Variants in GAS2L3 observed in about 807,000 individuals in gnomAD.
GAS2L3 encodes GAS2-like protein 3.
Under a neutral mutation model 37.0 loss-of-function variants are expected in GAS2L3, and 28 were observed. That is an observed-to-expected ratio of 0.76 (90% confidence interval 0.56 to 1.04). GAS2L3 has a LOEUF of 1.04. GAS2L3 is among the 50% of genes least tolerant of loss of function. The pLI is 0.00. For synonymous variants in GAS2L3, 290 were observed against 296.6 expected (o/e 0.98, Z 0.23); for missense variants, 793 against 817.6 (o/e 0.97, Z 0.37).
chr12:100,576,966 A>C (rs1955645507), intron 1 of GAS2L3, among the ~76,000 whole-genome samples: 1 of 152,202 alleles, frequency 6.6e-6, no homozygotes, highest in African/African-American at 2.4e-5. Context: ...CTGTCATACA[A>C]CATAAACGTT....
chr12:100,588,991 A>G (rs1955813975), intron 1 of GAS2L3, among the ~76,000 whole-genome samples: 1 of 152,158 alleles, frequency 6.6e-6, no homozygotes, highest in South Asian at 2.1e-4. Context: ...AACATGTTTT[A>G]CAATCAATTT....
At position 100,624,257 on chromosome 12, in the gene GAS2L3, T is replaced by C; in HGVS notation, c.1452T>C (p.Asn484=). 1 of 1,614,110 alleles carries C rather than the reference T, an allele frequency of 6.2e-7. No individual in the cohort carries two copies. The highest frequency in any genetic ancestry group is 1.1e-5 in the South Asian group (1 of 91,080). ...LKHNHISSRD[N]AVSHLAAHSN... ...ATAATCATATTTCTTCCAGAGATAATGCAGTATCTCACTTAGCTGCACATT... is the reference window on the plus strand; with the variant it reads ...ATAATCATATTTCTTCCAGAGATAACGCAGTATCTCACTTAGCTGCACATT... Residue 484 remains asparagine, a synonymous_variant, in exon 10 of 10, where the codon AAT becomes AAC. Coordinates refer to ENST00000547754, the MANE Select transcript of GAS2L3 (RefSeq NM_174942.3).
In GAS2L3 at chr12:100,623,416, AAAC is replaced by A. The variant is rs377633258; in HGVS notation, c.757-143_757-141del. On this transcript the variant is annotated intron_variant, in intron 9 of 9. Transcript: ENST00000547754. ...AAATTTATTATATTAATAATACAAG[AAAC>A]AAACTGTCAATTTGTAGTGAGGCTG... is the stretch of plus-strand genomic sequence containing the variant. 795 of 578,114 alleles carry A rather than the reference AAAC, an allele frequency of 1.4e-3. 2 individuals are homozygous for A. The highest frequency in any genetic ancestry group is 0.013 in the African/African-American group (691 of 53,212). The allele number at this position is 578,114 out of a possible 1,614,324, so 35.8% of individuals were successfully genotyped here.
At chr12:100,581,466 G>T (rs1317172048) in intron 1 of GAS2L3, among the ~76,000 whole-genome samples, 1 of 152,186 alleles carries the variant, frequency 6.6e-6, no homozygotes, top group Non-Finnish European at 1.5e-5. Flanking sequence ...GGGTGCACTA[G>T]ATAGATTCCG....
chr12:100,584,454 A>G (rs191523898), intron 1 of GAS2L3, among the ~76,000 whole-genome samples: 1 of 152,176 alleles, frequency 6.6e-6, no homozygotes, highest in Admixed American at 6.5e-5. Flanking sequence ...CCCTCAGATG[A>G]TGTCATTCTT....
intron 2 of GAS2L3, among the ~76,000 whole-genome samples, chr12:100,593,046 C>T (rs1015804989): frequency 5.3e-5 from 8 of 151,936 alleles, no homozygotes; most frequent in African/African-American, 1.7e-4. Flanking sequence ...GTGATAGTAT[C>T]GAGGACTGGG....
chr12:100,617,630 A>T, intron 6 of GAS2L3, 114 bp from the exon 7 acceptor site: 1 of 680,844 alleles, frequency 1.5e-6, no homozygotes, highest in Non-Finnish European at 2.6e-6. Context: ...TTTTCTAAAC[A>T]AGTAAACCTG....
chr12:100,579,934 A>G, intron 1 of GAS2L3: 1 of 774,050 alleles, frequency 1.3e-6, no homozygotes, highest in Middle Eastern at 3.0e-4. Context: ...GAAAAAGCGT[A>G]TGACCAAGTA....
chr12:100,625,075 T>A lies in GAS2L3; in HGVS notation c.*185T>A. The A allele has an allele frequency of 2.0e-6, 1 of 503,422 alleles. No homozygotes were observed. The highest frequency in any genetic ancestry group is 3.5e-6 in the Non-Finnish European group (1 of 288,544). 31.2% of individuals were successfully genotyped at this position (503,422 alleles called of 1,614,324 possible). On this transcript the variant is annotated 3_prime_UTR_variant, in exon 10 of 10. Transcript: ENST00000547754. ...CTGAATTCACTGGAAAGAGCCCTTCTGAAGCAAACAGTTGTAAAATCACTG... is the reference window on the plus strand; with the variant it reads ...CTGAATTCACTGGAAAGAGCCCTTCAGAAGCAAACAGTTGTAAAATCACTG...
At chr12:100,623,386 G>C (rs1956283187) in intron 9 of GAS2L3, among the ~76,000 whole-genome samples, 176 bp from the exon 10 acceptor site, 1 of 152,130 alleles carries the variant, frequency 6.6e-6, no homozygotes, top group Admixed American at 6.6e-5. Context: ...AATTCAATGT[G>C]AGTTAAATTT....
chr12:100,613,931 G>A (rs1956157170), intron 6 of GAS2L3, among the ~76,000 whole-genome samples: 1 of 152,024 alleles, frequency 6.6e-6, no homozygotes. Context: ...CAGGGCACAT[G>A]CAATTCATGC....
In GAS2L3 at chr12:100,606,229, A is replaced by G. The variant is rs572479650; in HGVS notation, c.303+4476A>G. Among the ~76,000 whole-genome samples the G allele has an allele frequency of 5.3e-5, 8 of 152,164 alleles. No individual in the cohort carries two copies. In the East Asian group the frequency reaches 1.5e-3, roughly 29 times the overall value. On this transcript the variant is annotated intron_variant, in intron 5 of 9. Transcript: ENST00000547754. Reference sequence around the variant, plus strand: ...ATCCTTTTGCTGAATTGACCTCTTTATCATTATACAATGACCTTCTTTGTC... The same window carrying G: ...ATCCTTTTGCTGAATTGACCTCTTTGTCATTATACAATGACCTTCTTTGTC...
intron 1 of GAS2L3, among the ~76,000 whole-genome samples, chr12:100,588,136 G>C (rs938885408): frequency 1.5e-3 from 228 of 152,276 alleles, no homozygotes; most frequent in African/African-American, 5.3e-3. Context: ...CGATATGATT[G>C]TTTACCTTTA....
chr12:100,596,400 T>C (rs1450489869), intron 3 of GAS2L3, among the ~76,000 whole-genome samples: 1 of 152,092 alleles, frequency 6.6e-6, no homozygotes, highest in African/African-American at 2.4e-5. Context: ...TTTCTTAACA[T>C]GGTAGATTCT....
chr12:100,598,289 A>C (rs983523600), intron 3 of GAS2L3, among the ~76,000 whole-genome samples: 66 of 152,182 alleles, frequency 4.3e-4, no homozygotes, highest in Non-Finnish European at 8.8e-5. Context: ...ATTAGGCTGG[A>C]ACAGTATCTC....
At chr12:100,578,813 A>G (rs1955670546) in intron 1 of GAS2L3, 1 of 648,568 alleles carries the variant, frequency 1.5e-6, no homozygotes, top group Non-Finnish European at 2.9e-6. Context: ...TAGCCCTGGA[A>G]GTCTTTACAC....
chr12:100,582,369 C>A (rs1018897428), intron 1 of GAS2L3, among the ~76,000 whole-genome samples: 2 of 152,198 alleles, frequency 1.3e-5, no homozygotes, highest in African/African-American at 4.8e-5. Context: ...ATTTTCACTT[C>A]TTTTGTGGTT....
intron 1 of GAS2L3, among the ~76,000 whole-genome samples, chr12:100,576,405 G>T (rs570493102): frequency 6.6e-6 from 1 of 152,032 alleles, no homozygotes; most frequent in African/African-American, 2.4e-5. Flanking sequence ...TTACAGTAAC[G>T]TGTGTATTTT....
intron 9 of GAS2L3, among the ~76,000 whole-genome samples, chr12:100,622,976 A>G (rs1339630014): frequency 1.3e-5 from 2 of 151,990 alleles, no homozygotes; most frequent in Non-Finnish European, 2.9e-5. Context: ...CCTGTTCATC[A>G]TTCTTTCCAC....
Sources: gnomAD v4.1 joint callset for allele counts (sites outside exome capture counted in the v4.1 genomes callset) on GRCh38, gnomAD v4.1.1 for gene constraint, MANE v1.5 for transcripts, NCBI Gene and HGNC (gene_info 2026-07-23, HGNC 2026-07-21) for gene names.